The following DAPP1 variants were observed in gnomAD, a reference collection of about 807,000 sequenced individuals.
The protein encoded by DAPP1 is dual adapter for phosphotyrosine and 3-phosphotyrosine and 3-phosphoinositide.
DAPP1 carries 20 observed loss-of-function variants against 41.5 expected under a neutral mutation model. That is an observed-to-expected ratio of 0.48 (90% CI 0.34 to 0.70). DAPP1 has a LOEUF of 0.70. DAPP1 is among the 30% of genes least tolerant of loss of function. DAPP1 has a pLI of 0.01. For synonymous variants in DAPP1, 113 were observed against 116.2 expected, an observed-to-expected ratio of 0.97 and a Z score of 0.18; for missense variants, 233 against 333.4, an observed-to-expected ratio of 0.70 and a Z score of 2.35.
chr4:99,850,527 A>G (rs1330418092), intron 3 of DAPP1, among the ~76,000 whole-genome samples: 1 of 152,252 alleles, frequency 6.6e-6, no homozygotes, highest in African/African-American at 2.4e-5. Flanking sequence ...TATTAAATAT[A>G]TGAAGTAGAA....
chr4:99,825,712 T>A (rs554197432), intron 1 of DAPP1, among the ~76,000 whole-genome samples: 2 of 152,338 alleles, frequency 1.3e-5, no homozygotes, highest in African/African-American at 4.8e-5. Context: ...ACACTACACC[T>A]GTCTGAGACC....
At chr4:99,847,225 A>G (rs1723695001) in intron 3 of DAPP1, among the ~76,000 whole-genome samples, 1 of 152,148 alleles carries the variant, frequency 6.6e-6, no homozygotes, top group Non-Finnish European at 1.5e-5. Context: ...TAAAATAAAT[A>G]CTCTAAACAA....
intron 8 of DAPP1, chr4:99,866,587 G>A (rs201551151): frequency 1.3e-6 from 1 of 766,222 alleles, no homozygotes; most frequent in Non-Finnish European, 2.4e-6. Flanking sequence ...TATTTTGTCT[G>A]CTCTCTGTAT....
chr4:99,827,194 C>G (rs1414874316), intron 1 of DAPP1, among the ~76,000 whole-genome samples: 3 of 152,096 alleles, frequency 2.0e-5, no homozygotes, highest in African/African-American at 7.2e-5. Flanking sequence ...ATTAGCAACT[C>G]TTTTCACTTG....
chr4:99,840,155 C>A, intron 2 of DAPP1, 134 bp from the exon 3 acceptor site: 2 of 527,716 alleles, frequency 3.8e-6, no homozygotes, highest in South Asian at 3.9e-5. Flanking sequence ...TTAAAACTGT[C>A]AGTGGTTTCA....
chr4:99,870,425 T>G (rs1208386542), downstream of DAPP1, among the ~76,000 whole-genome samples: 1 of 152,050 alleles, frequency 6.6e-6, no homozygotes, highest in Non-Finnish European at 1.5e-5. Flanking sequence ...CAAAGCTATC[T>G]GATGGAGCAG....
chr4:99,860,481 C>A (rs1724200535), intron 4 of DAPP1, among the ~76,000 whole-genome samples: 1 of 152,054 alleles, frequency 6.6e-6, no homozygotes. Flanking sequence ...TAAATCACAC[C>A]AATTATGAGA....
chr4:99,845,738 A>C (rs1723644644), intron 3 of DAPP1, among the ~76,000 whole-genome samples: 1 of 152,246 alleles, frequency 6.6e-6, no homozygotes, highest in Non-Finnish European at 1.5e-5. Context: ...TTCAGAAATT[A>C]TACCAGAGGA....
chr4:99,851,909 T>A (rs1171410537), intron 3 of DAPP1, among the ~76,000 whole-genome samples: 1 of 151,880 alleles, frequency 6.6e-6, no homozygotes, highest in African/African-American at 2.4e-5. Context: ...AGAGGAGACA[T>A]TTTTCTTTTT....
In DAPP1 at chr4:99,857,701, T is replaced by TACACAC. The variant is rs140943788; in HGVS notation, c.490-3847_490-3842dup. The stretch of plus-strand genomic sequence containing the variant: ...AAAAAAAAAAGTATATGTATGTATA[T>TACACAC]ACACACACACACACACACACACACA... On this transcript the variant is annotated intron_variant, in intron 4 of 8. Coordinates refer to ENST00000512369, the MANE Select transcript of DAPP1 (RefSeq NM_014395.3). Among the ~76,000 whole-genome samples, 219 of 143,098 alleles carry TACACAC rather than the reference T, an allele frequency of 1.5e-3. 1 individual carries two copies. Among genetic ancestry groups the TACACAC allele is most frequent in the South Asian group, 7.2e-3 (31 of 4,322 alleles). 93.9% of individuals were successfully genotyped at this position (143,098 alleles called of 152,430 possible).
intron 7 of DAPP1, 95 bp downstream of exon 7, chr4:99,863,950 A>G: frequency 1.2e-6 from 1 of 829,824 alleles, no homozygotes; most frequent in East Asian, 2.7e-5. Context: ...TAATGTCTAC[A>G]AAGATCAGAT....
In DAPP1 at chr4:99,835,641, C is replaced by T; in HGVS notation, c.120C>T (p.Leu40=). 1 of 1,613,526 alleles carries T rather than the reference C, an allele frequency of 6.2e-7. No individual in the cohort carries two copies. The highest frequency in any genetic ancestry group is 8.5e-7 in the Non-Finnish European group (1 of 1,179,838). ...TTTCTAGGTGGTATCACGGCAACCTCACACGCCATGCTGCTGAAGCTCTTC... is the reference window on the plus strand; with the variant it reads ...TTTCTAGGTGGTATCACGGCAACCTTACACGCCATGCTGCTGAAGCTCTTC... ...LQDLGWYHGN[L]TRHAAEALLL... Residue 40 remains leucine, a synonymous_variant, in exon 2 of 9, where the codon CTC becomes CTT. Coordinates refer to ENST00000512369, the MANE Select transcript of DAPP1 (RefSeq NM_014395.3).
chr4:99,843,915 T>A (rs927083730), intron 3 of DAPP1, among the ~76,000 whole-genome samples: 2 of 152,228 alleles, frequency 1.3e-5, no homozygotes, highest in African/African-American at 4.8e-5. Context: ...GTTTTTTGCA[T>A]GGCAACATCA....
intron 2 of DAPP1, among the ~76,000 whole-genome samples, chr4:99,836,765 A>T (rs1723316531): frequency 6.6e-6 from 1 of 152,216 alleles, no homozygotes; most frequent in Admixed American, 6.5e-5. Flanking sequence ...ATAACAAATT[A>T]TCAAAAACTT....
intron 4 of DAPP1, among the ~76,000 whole-genome samples, chr4:99,857,410 C>T (rs1724081435): frequency 1.3e-5 from 2 of 152,094 alleles, no homozygotes; most frequent in African/African-American, 4.8e-5. Flanking sequence ...AGTTCAAGTT[C>T]CTGACATAAT....
downstream of DAPP1, among the ~76,000 whole-genome samples, chr4:99,870,902 G>T (rs946668800): frequency 6.6e-6 from 1 of 152,094 alleles, no homozygotes; most frequent in African/African-American, 2.4e-5. Context: ...CTTCACAATG[G>T]GTCTATTGGG....
At chr4:99,842,442 T>C (rs920678501) in intron 3 of DAPP1, among the ~76,000 whole-genome samples, 6 of 152,268 alleles carry the variant, frequency 3.9e-5, no homozygotes, top group African/African-American at 1.4e-4. Context: ...TGCTGATGGA[T>C]ATGCACTTGA....
At chr4:99,833,606 C>T (rs1723196882) in intron 1 of DAPP1, among the ~76,000 whole-genome samples, 1 of 152,194 alleles carries the variant, frequency 6.6e-6, no homozygotes, top group African/African-American at 2.4e-5. Flanking sequence ...CTTTTTTACA[C>T]TATACACACC....
chr4:99,856,899 C>A (rs190287701), intron 4 of DAPP1, among the ~76,000 whole-genome samples: 66 of 152,284 alleles, frequency 4.3e-4, no homozygotes, highest in Admixed American at 1.9e-3. Context: ...GAACCCTGAG[C>A]CTTGGGAACC....
Sources: allele counts gnomAD v4.1 joint callset (sites outside exome capture counted in the v4.1 genomes callset), GRCh38; gene constraint gnomAD v4.1.1; transcripts MANE v1.5; gene names NCBI Gene and HGNC (gene_info 2026-07-23, HGNC 2026-07-21).